Variants in RANBP2 observed in about 807,000 individuals in gnomAD.
RANBP2 encodes RAN binding protein 2.
A neutral mutation model predicts 303.6 loss-of-function variants in RANBP2; 57 were observed. That is an observed-to-expected ratio of 0.19 (90% CI 0.15 to 0.23). RANBP2 has a LOEUF of 0.23. Among genes scored for constraint, RANBP2 ranks in the 10% least tolerant of loss-of-function variants. The pLI is 1.00. For missense variants in RANBP2, 3,138 were observed against 3,780.8 expected (o/e 0.83, Z 4.46); for synonymous variants, 1,167 against 1,301.5 (o/e 0.90, Z 2.23).
chr2:109,247,229 C>T, the RANBP2 span, among the ~76,000 whole-genome samples: 1 of 152,226 alleles, frequency 6.6e-6, no homozygotes, highest in Non-Finnish European at 1.5e-5. Context: ...ACACAGATGC[C>T]CACAGATTAT....
the RANBP2 span, among the ~76,000 whole-genome samples, chr2:109,661,035 T>G: frequency 6.6e-6 from 1 of 152,172 alleles, no homozygotes; most frequent in Admixed American, 6.5e-5. Flanking sequence ...AGATATATGA[T>G]AAAATAGATA....
chr2:108,905,661 C>G, the RANBP2 span, among the ~76,000 whole-genome samples: 1 of 152,162 alleles, frequency 6.6e-6, no homozygotes, highest in East Asian at 1.9e-4. Context: ...AGGAAAACCC[C>G]TGACCTCAGC....
At chr2:109,135,229 A>T in the RANBP2 span, among the ~76,000 whole-genome samples, 2 of 152,192 alleles carry the variant, frequency 1.3e-5, no homozygotes, top group African/African-American at 2.4e-5. Flanking sequence ...CCCTGGGGAC[A>T]GTGTTGCCTC....
chr2:109,406,855 A>G, the RANBP2 span, among the ~76,000 whole-genome samples: 1 of 151,836 alleles, frequency 6.6e-6, no homozygotes, highest in Non-Finnish European at 1.5e-5. Context: ...GGTCGAAGCC[A>G]ATCTTACAGC....
chr2:109,073,989 C>T, the RANBP2 span, among the ~76,000 whole-genome samples: 1 of 150,554 alleles, frequency 6.6e-6, no homozygotes, highest in East Asian at 1.9e-4. Context: ...CAAAAACAGG[C>T]AAACAAAACC....
At chr2:108,794,254 T>G in the RANBP2 span, among the ~76,000 whole-genome samples, 1 of 152,156 alleles carries the variant, frequency 6.6e-6, no homozygotes, top group Non-Finnish European at 1.5e-5. Context: ...TTGCTTTCCA[T>G]TTCTTGGCAA....
chr2:109,383,252 A>G, the RANBP2 span, among the ~76,000 whole-genome samples: 1 of 152,236 alleles, frequency 6.6e-6, no homozygotes, highest in Non-Finnish European at 1.5e-5. Context: ...TGTTTGGTAC[A>G]GAAGAAACCA....
intron 18 of RANBP2, among the ~76,000 whole-genome samples, chr2:108,760,543 A>T (rs1676654094): frequency 6.6e-6 from 1 of 152,170 alleles, no homozygotes; most frequent in Non-Finnish European, 1.5e-5. Context: ...TCTTACCACT[A>T]GTATCTGATA....
the RANBP2 span, among the ~76,000 whole-genome samples, chr2:109,409,364 C>G: frequency 2.0e-5 from 3 of 152,204 alleles, no homozygotes; most frequent in Non-Finnish European, 4.4e-5. Flanking sequence ...GCCGCAGTGA[C>G]TCAGCTCCAC....
chr2:109,276,617 G>T, the RANBP2 span, among the ~76,000 whole-genome samples: 1 of 152,170 alleles, frequency 6.6e-6, no homozygotes, highest in Non-Finnish European at 1.5e-5. Context: ...TTATTGTTTT[G>T]CCATGGTGCT....
the RANBP2 span, among the ~76,000 whole-genome samples, chr2:109,369,236 T>A: frequency 6.6e-6 from 1 of 151,140 alleles, no homozygotes; most frequent in African/African-American, 2.4e-5. Context: ...TAGTCCCAGC[T>A]ACTCTAGAGG....
chr2:109,419,941 C>T, the RANBP2 span, among the ~76,000 whole-genome samples: 24 of 152,196 alleles, frequency 1.6e-4, no homozygotes, highest in Non-Finnish European at 3.1e-4. Flanking sequence ...GCAAGCTCTC[C>T]ATAGCATGGA....
At chr2:108,988,374 G>A in the RANBP2 span, among the ~76,000 whole-genome samples, 2 of 152,164 alleles carry the variant, frequency 1.3e-5, no homozygotes, top group Non-Finnish European at 2.9e-5. Flanking sequence ...AGTGTTGAGA[G>A]GAACCTCTTG....
the RANBP2 span, chr2:109,593,035 T>C: frequency 6.5e-7 from 1 of 1,549,742 alleles, no homozygotes; most frequent in Non-Finnish European, 8.7e-7. Context: ...GGTATCTATT[T>C]AAAAGACATA....
chr2:109,144,150 A>C, the RANBP2 span, among the ~76,000 whole-genome samples: 14 of 152,228 alleles, frequency 9.2e-5, no homozygotes, highest in Non-Finnish European at 1.6e-4. Context: ...AGTTAACAAT[A>C]CTCGATTATA....
chr2:109,043,502 C>T, the RANBP2 span, among the ~76,000 whole-genome samples: 7 of 152,118 alleles, frequency 4.6e-5, no homozygotes, highest in African/African-American at 1.7e-4. Flanking sequence ...GCCATCATGC[C>T]AGGCTAATTT....
the RANBP2 span, among the ~76,000 whole-genome samples, chr2:109,225,569 T>C: frequency 6.6e-6 from 1 of 152,260 alleles, no homozygotes; most frequent in Non-Finnish European, 1.5e-5. Context: ...TGATTTTTAA[T>C]GTGGGATGCT....
the RANBP2 span, among the ~76,000 whole-genome samples, chr2:109,319,523 A>G: frequency 0.29 from 43,734 of 152,120 alleles, 6,759 homozygotes; most frequent in East Asian, 0.66. Context: ...ATGTTAGTAC[A>G]GATGTGTATT....
At chr2:109,207,271 T>G in the RANBP2 span, among the ~76,000 whole-genome samples, 2 of 152,180 alleles carry the variant, frequency 1.3e-5, no homozygotes, top group African/African-American at 4.8e-5. Flanking sequence ...TGGTGTATGG[T>G]AATCATTAGA....
Sources: gnomAD v4.1 joint callset for allele counts (sites outside exome capture counted in the v4.1 genomes callset) on GRCh38, gnomAD v4.1.1 for gene constraint, MANE v1.5 for transcripts, NCBI Gene and HGNC (gene_info 2026-07-23, HGNC 2026-07-21) for gene names.